Variants in RFX1 observed in about 807,000 individuals in gnomAD.
RFX1 encodes MHC class II regulatory factor RFX1.
In RFX1, 42 loss-of-function variants were observed where a neutral mutation model predicts 119.6. That is an observed-to-expected ratio of 0.35 (90% CI 0.27 to 0.45). The LOEUF (loss-of-function observed/expected upper bound fraction) is 0.45. Ranked by LOEUF, RFX1 falls within the 20% of genes least tolerant of loss-of-function variation. The pLI, the probability that RFX1 is intolerant of heterozygous loss-of-function variation, is 1.00. For missense variants in RFX1, 1,118 were observed against 1,368.1 expected (o/e 0.82, Z 2.88); for synonymous variants, 628 against 618.5 (o/e 1.02, Z -0.23).
intron 1 of RFX1, among the ~76,000 whole-genome samples, chr19:13,994,831 T>C (rs188134856): frequency 7.0e-6 from 1 of 143,180 alleles, no homozygotes; most frequent in Non-Finnish European, 1.5e-5. Context: ...CACACACATA[T>C]ACACTGTATA....
intron 7 of RFX1, among the ~76,000 whole-genome samples, chr19:13,978,548 C>G (rs1261714292): frequency 6.6e-6 from 1 of 152,152 alleles, no homozygotes; most frequent in Non-Finnish European, 1.5e-5. Context: ...CTGAGTCCCC[C>G]ACCTCCATCC....
chr19:14,002,488 A>C (rs375066353), intron 1 of RFX1, among the ~76,000 whole-genome samples: 17 of 151,148 alleles, frequency 1.1e-4, no homozygotes, highest in African/African-American at 3.9e-4. Flanking sequence ...CTGTCTCAAC[A>C]AAAAAAAGAA....
chr19:13,999,236 C>T (rs1351269715), intron 1 of RFX1, among the ~76,000 whole-genome samples: 1 of 152,184 alleles, frequency 6.6e-6, no homozygotes, highest in East Asian at 1.9e-4. Context: ...GCACACAAAA[C>T]AAGGGAATTA....
chr19:13,982,786 T>A (rs31602), intron 4 of RFX1, among the ~76,000 whole-genome samples: 2 of 152,004 alleles, frequency 1.3e-5, no homozygotes, highest in African/African-American at 4.8e-5. Context: ...AACAGTACTT[T>A]GTCCAGATCT....
rs527756374 is a variant in RFX1, at chr19:13,980,485, A to G, written c.738+88T>C. On this transcript the variant is annotated intron_variant, in intron 6 of 20. Transcript: ENST00000254325. The surrounding 1 kb of genome is among the most constrained non-coding windows in gnomAD (Gnocchi z 5.1). ...GCTGGACCCACATGGGCTGGGCTCT[A>G]ATAGGCCAGAGGCACAGCCGTGGGG... is the stretch of plus-strand genomic sequence containing the variant. 3 of 806,422 alleles carry G rather than the reference A, an allele frequency of 3.7e-6. No individual in the cohort carries two copies. The highest frequency in any genetic ancestry group is 5.4e-5 in the East Asian group (2 of 36,910). The allele number at this position is 806,422 out of a possible 1,614,324, so 50.0% of individuals were successfully genotyped here.
At chr19:13,993,943 A>G in intron 1 of RFX1, 48 bp from the exon 2 acceptor site, 1 of 1,048,196 alleles carries the variant, frequency 9.5e-7, no homozygotes, top group Non-Finnish European at 1.4e-6. Context: ...AAACAAAACA[A>G]AAGAAGGAAA....
rs1200860907 is a variant in RFX1, at chr19:13,990,629, AAC to A, written c.319+2894_319+2895del. Among the ~76,000 whole-genome samples, 1 of 152,154 alleles carries A rather than the reference AAC, an allele frequency of 6.6e-6. No individual in the cohort carries two copies. Among genetic ancestry groups the A allele is most frequent in the Non-Finnish European group, 1.5e-5 (1 of 68,036 alleles). On this transcript the variant is annotated intron_variant, in intron 2 of 20. Transcript: ENST00000254325. The surrounding 1 kb of genome is among the most constrained non-coding windows in gnomAD (Gnocchi z 4.1). ...TCAGGAGATCAAGACCATCCTGGCT[AAC>A]ACAGTGAAACCCCGTCTCTACTAAA...
At chr19:13,963,832 C>T (rs748712333) in intron 17 of RFX1, 26 bp downstream of exon 17, 1 of 1,476,018 alleles carries the variant, frequency 6.8e-7, no homozygotes, top group Admixed American at 2.3e-5. Flanking sequence ...CCCTCATTCG[C>T]CCGCCCCGCC....
chr19:13,977,982 C>T lies in RFX1; in HGVS notation c.929+10G>A. 3 of 1,606,696 alleles carry T rather than the reference C, an allele frequency of 1.9e-6. No individual in the cohort carries two copies. The highest frequency in any genetic ancestry group is 1.3e-5 in the African/African-American group (1 of 74,928). ...CTGACTCCCTCACCCACCCCTCTCC[C>T]TTCACTTACATGGCACTGGCCGTGT... is the stretch of plus-strand genomic sequence containing the variant. On this transcript the variant is annotated intron_variant, in intron 8 of 20. Coordinates refer to ENST00000254325, the MANE Select transcript of RFX1 (RefSeq NM_002918.5).
Position 13,962,383 on chromosome 19 carries a change from G to C in RFX1, c.*312C>G. 2.4e-6 allele frequency: 1 copy of C among 412,074 alleles called. No individual in the cohort carries two copies. The highest frequency in any genetic ancestry group is 4.4e-6 in the Non-Finnish European group (1 of 229,496). 25.5% of individuals were successfully genotyped at this position (412,074 alleles called of 1,614,324 possible). On this transcript the variant is annotated 3_prime_UTR_variant, in exon 21 of 21. Transcript: ENST00000254325. Reference sequence around the variant, plus strand: ...CTGCCCCCTGGGGTGGTGGGAGGACGGGGCTGGGGAGAAGACGCTGGGGCC... The same window carrying C: ...CTGCCCCCTGGGGTGGTGGGAGGACCGGGCTGGGGAGAAGACGCTGGGGCC...
In RFX1 at chr19:13,965,082, G is replaced by A. The variant is rs1169171070; in HGVS notation, c.2211+367C>T. On this transcript the variant is annotated intron_variant, in intron 16 of 20. Coordinates refer to ENST00000254325, the MANE Select transcript of RFX1 (RefSeq NM_002918.5). The surrounding 1 kb of genome is among the most constrained non-coding windows in gnomAD (Gnocchi z 4.7). ...TTTTGATGAAAAAGGCAAGTATTAT[G>A]TTTCCTTATAGATGTTGTTGCCTTT... 6.6e-6 allele frequency among the ~76,000 whole-genome samples: 1 copy of A among 152,164 alleles called. No homozygotes were observed.
rs533234405 is a variant in RFX1, at chr19:13,985,003, C to T, written c.320-1408G>A. ...AGCCTCCCAAGTAGCTGGGACTACA[C>T]GCATGCACCACCATGTCCGGCTAAT... On this transcript the variant is annotated intron_variant, in intron 2 of 20. Coordinates refer to ENST00000254325, the MANE Select transcript of RFX1 (RefSeq NM_002918.5). This position sits in a 1 kb window ranked among gnomAD's most constrained non-coding sequence, Gnocchi z 4.3. Among the ~76,000 whole-genome samples, 11 of 152,178 alleles carry T rather than the reference C, an allele frequency of 7.2e-5. No individual in the cohort carries two copies. The highest frequency in any genetic ancestry group is 1.2e-4 in the Non-Finnish European group (8 of 68,002).
rs1974022173 is a variant in RFX1 at position 13,969,921 on chromosome 19, C to T, written c.1496+73G>A. 3 of 1,469,134 alleles carry T rather than the reference C, an allele frequency of 2.0e-6. No individual in the cohort carries two copies. In the Admixed American group the frequency reaches 6.5e-5, roughly 32 times the overall value. 91.0% of individuals were successfully genotyped at this position (1,469,134 alleles called of 1,614,324 possible). On this transcript the variant is annotated intron_variant, in intron 10 of 20. Coordinates refer to ENST00000254325, the MANE Select transcript of RFX1 (RefSeq NM_002918.5). This position sits in a 1 kb window ranked among gnomAD's most constrained non-coding sequence, Gnocchi z 4.5. ...GGCTGGACTGGACTGCCTGAGATGA[C>T]TCGGAGTGGGGGTGGGCCTTGGCAT...
chr19:13,996,788 T>G (rs550725106), intron 1 of RFX1, among the ~76,000 whole-genome samples: 1 of 147,764 alleles, frequency 6.8e-6, no homozygotes, highest in East Asian at 2.0e-4. Flanking sequence ...AGTGGCACGA[T>G]CTTGGCTCAC....
intron 2 of RFX1, among the ~76,000 whole-genome samples, chr19:13,989,444 C>T (rs1160212375): frequency 6.6e-6 from 1 of 152,020 alleles, no homozygotes; most frequent in Non-Finnish European, 1.5e-5. Context: ...AGTCTTGGCT[C>T]ACTGCAACCT....
At chr19:14,002,862 G>A (rs1975261517) in intron 1 of RFX1, among the ~76,000 whole-genome samples, 1 of 152,216 alleles carries the variant, frequency 6.6e-6, no homozygotes, top group Non-Finnish European at 1.5e-5. Flanking sequence ...GGAGAAGGGT[G>A]AGGACCTCGG....
Position 13,990,644 on chromosome 19 carries a change from C to T in RFX1, c.319+2881G>A, listed in dbSNP as rs1274947452. ...CATCCTGGCTAACACAGTGAAACCC[C>T]GTCTCTACTAAAAATACAAAAAATT... On this transcript the variant is annotated intron_variant, in intron 2 of 20. Coordinates refer to ENST00000254325, the MANE Select transcript of RFX1 (RefSeq NM_002918.5). This position sits in a 1 kb window ranked among gnomAD's most constrained non-coding sequence, Gnocchi z 4.1. Among the ~76,000 whole-genome samples the T allele has an allele frequency of 3.9e-5, 6 of 152,188 alleles. No homozygotes were observed. In the East Asian group the frequency reaches 9.7e-4, roughly 25 times the overall value.
In RFX1 at chr19:13,968,786, C is replaced by T. The variant is rs1377511736; in HGVS notation, c.1605G>A (p.Ser535=). The change falls in exon 11 of 21, where the codon TCG becomes TCA. Residue 535 remains serine, a synonymous_variant. Coordinates refer to ENST00000254325, the MANE Select transcript of RFX1 (RefSeq NM_002918.5). This position sits in a 1 kb window ranked among gnomAD's most constrained non-coding sequence, Gnocchi z 5.5. ...CCCTGCCTTCCTACCTCTGCTTCTG[C>T]GAGAAGGGCTGGCCCCGCATGGCCA... is the stretch of plus-strand genomic sequence containing the variant. ...QHMAMRGQPF[S]QKQRLKPIQK... is the part of the protein sequence containing the mutation. The T allele has an allele frequency of 5.0e-6, 8 of 1,590,884 alleles. No homozygotes were observed. Among genetic ancestry groups the T allele is most frequent in the East Asian group, 4.6e-5 (2 of 43,728 alleles).
Position 13,982,087 on chromosome 19 carries a change from A to AG in RFX1, c.621+33dup, listed in dbSNP as rs778080163. On this transcript the variant is annotated intron_variant, in intron 5 of 20. Coordinates refer to ENST00000254325, the MANE Select transcript of RFX1 (RefSeq NM_002918.5). ...TACATTGCTGACCTCGGGAGACAGC[A>AG]GGGGGGAGGGCGGCCAACAGGACCA... 1.9e-5 allele frequency: 22 copies of AG among 1,136,912 alleles called. No homozygotes were observed. In the African/African-American group the frequency reaches 3.3e-4, roughly 17 times the overall value. 70.4% of individuals were successfully genotyped at this position (1,136,912 alleles called of 1,614,324 possible). A position where few individuals can be genotyped will look rare whatever the true frequency, so the allele number is the denominator to read the frequency against.
Sources: gnomAD v4.1 joint callset for allele counts (sites outside exome capture counted in the v4.1 genomes callset) on GRCh38, gnomAD v4.1.1 for gene constraint, Gnocchi (gnomAD v3.1) non-coding constraint, MANE v1.5 for transcripts, NCBI Gene and HGNC (gene_info 2026-07-23, HGNC 2026-07-21) for gene names.